Variants in CDH13 observed in about 807,000 individuals in gnomAD.
CDH13 encodes the protein cadherin-13.
CDH13 carries 24 observed loss-of-function variants against 63.8 expected under a neutral mutation model. That is an observed-to-expected ratio of 0.38 (90% CI 0.27 to 0.53). The LOEUF is 0.53. Among genes scored for constraint, CDH13 ranks in the 20% least tolerant of loss-of-function variants. The pLI is 0.85. For missense variants in CDH13, 1,049 were observed against 903.1 expected (o/e 1.16, Z -2.07); for synonymous variants, 503 against 355.3 (o/e 1.42, Z -4.67).
intron 2 of CDH13, among the ~76,000 whole-genome samples, chr16:82,868,374 T>C (rs2040225455): frequency 6.6e-6 from 1 of 152,210 alleles, no homozygotes; most frequent in African/African-American, 2.4e-5. Context: ...AGTAAGTCAA[T>C]TAATAATGAT....
At chr16:83,427,252 T>C (rs2071939128) in intron 6 of CDH13, among the ~76,000 whole-genome samples, 2 of 152,080 alleles carry the variant, frequency 1.3e-5, no homozygotes, top group Middle Eastern at 3.4e-3. Context: ...ACCTTCTAGA[T>C]GTGATTAAGT....
intron 2 of CDH13, among the ~76,000 whole-genome samples, chr16:83,019,836 T>TAAAAA (rs562381483): frequency 1.9e-4 from 19 of 100,804 alleles, no homozygotes; most frequent in South Asian, 6.5e-4. Context: ...GAGTACACTC[T>TAAAAA]AAAAAAAAAA....
chr16:83,082,065 G>T (rs2033291774), intron 3 of CDH13, among the ~76,000 whole-genome samples: 1 of 152,172 alleles, frequency 6.6e-6, no homozygotes, highest in Non-Finnish European at 1.5e-5. Context: ...CTCCCAAAGT[G>T]CTGGGATTAC....
At chr16:82,809,442 A>C (rs1477086550) in intron 1 of CDH13, among the ~76,000 whole-genome samples, 1 of 152,124 alleles carries the variant, frequency 6.6e-6, no homozygotes, top group South Asian at 2.1e-4. Context: ...AGGGAGTGGT[A>C]AGATCACATT....
intron 1 of CDH13, among the ~76,000 whole-genome samples, chr16:82,829,905 G>A (rs984290901): frequency 3.9e-5 from 6 of 152,114 alleles, no homozygotes. Flanking sequence ...TCTCCTTTGA[G>A]GACCATATCA....
chr16:83,687,674 A>G lies in CDH13; in HGVS notation c.1538+9213A>G, dbSNP rs1412334953. Among the ~76,000 whole-genome samples the G allele has an allele frequency of 2.6e-5, 4 of 152,210 alleles. No individual in the cohort carries two copies. In the East Asian group the frequency reaches 7.7e-4, roughly 29 times the overall value. On this transcript the variant is annotated intron_variant, in intron 10 of 13. Coordinates refer to ENST00000567109, the MANE Select transcript of CDH13 (RefSeq NM_001257.5). ...ATTGACTAATGTCTACCAACCATGA[A>G]AACATTTACATTTGGCCTTGTTTTA...
intron 6 of CDH13, chr16:83,383,144 T>A (rs1359861639): frequency 1.3e-5 from 2 of 152,192 alleles, no homozygotes; most frequent in Non-Finnish European, 2.9e-5. Flanking sequence ...TTCTGCAGTG[T>A]GATGCTCAAC....
chr16:82,637,509 C>A (rs1352508635), intron 1 of CDH13: 2 of 145,296 alleles, frequency 1.4e-5, no homozygotes, highest in Non-Finnish European at 3.0e-5. Flanking sequence ...CGGCTCACTG[C>A]AAGCTCCGCC....
chr16:83,451,379 G>A (rs891192622), intron 6 of CDH13, among the ~76,000 whole-genome samples: 1 of 152,118 alleles, frequency 6.6e-6, no homozygotes, highest in Non-Finnish European at 1.5e-5. Flanking sequence ...CCTATCATGA[G>A]AACAGCATGG....
intron 1 of CDH13, among the ~76,000 whole-genome samples, chr16:82,848,582 TG>T (rs35909991): frequency 0.39 from 57,398 of 148,752 alleles, 11,809 homozygotes; most frequent in East Asian, 0.82. Flanking sequence ...TTTTTTTTTT[TG>T]GGTGGGGGGA....
intron 5 of CDH13, among the ~76,000 whole-genome samples, chr16:83,312,989 A>G (rs2151887296): frequency 6.6e-6 from 1 of 152,300 alleles, no homozygotes; most frequent in African/African-American, 2.4e-5. Flanking sequence ...GGGAGTCACT[A>G]GAAGGATCAC....
At chr16:82,854,289 T>A (rs1283270229) in intron 1 of CDH13, among the ~76,000 whole-genome samples, 2 of 151,390 alleles carry the variant, frequency 1.3e-5, no homozygotes, top group Admixed American at 6.6e-5. Flanking sequence ...CAGTCACAGC[T>A]ACTTGGGAGG....
At chr16:82,851,396 C>G (rs926457522) in intron 1 of CDH13, among the ~76,000 whole-genome samples, 9 of 148,322 alleles carry the variant, frequency 6.1e-5, no homozygotes, top group African/African-American at 2.2e-4. Flanking sequence ...GATTGCACCT[C>G]TGCACTCCAG....
intron 5 of CDH13, among the ~76,000 whole-genome samples, chr16:83,333,681 G>T (rs1044806885): frequency 6.6e-6 from 1 of 152,098 alleles, no homozygotes; most frequent in Admixed American, 6.5e-5. Flanking sequence ...ACCGAGAGTG[G>T]TATTCTAAAC....
At chr16:82,724,269 T>C (rs2032957977) in intron 1 of CDH13, among the ~76,000 whole-genome samples, 1 of 151,876 alleles carries the variant, frequency 6.6e-6, no homozygotes, top group Non-Finnish European at 1.5e-5. Context: ...CTATGCATCC[T>C]TCCGTCCATC....
At chr16:83,779,411 A>AAAAAAC (rs1915358151) in intron 11 of CDH13, among the ~76,000 whole-genome samples, 1 of 139,654 alleles carries the variant, frequency 7.2e-6, no homozygotes, top group Non-Finnish European at 1.5e-5. Context: ...CATCTCAAAA[A>AAAAAAC]AAAAAAAAAA....
At chr16:82,816,841 A>C (rs1186090035) in intron 1 of CDH13, among the ~76,000 whole-genome samples, 2 of 151,576 alleles carry the variant, frequency 1.3e-5, no homozygotes, top group Non-Finnish European at 2.9e-5. Context: ...TCATCATCTC[A>C]TCTCTGCACT....
At chr16:82,851,547 GTGTC>G (rs2039487121) in intron 1 of CDH13, among the ~76,000 whole-genome samples, 2 of 152,062 alleles carry the variant, frequency 1.3e-5, no homozygotes, top group African/African-American at 4.8e-5. Context: ...CCATTTGTAA[GTGTC>G]TGTGACCTTA....
At chr16:82,894,204 C>G (rs1442083744) in intron 2 of CDH13, among the ~76,000 whole-genome samples, 1 of 152,150 alleles carries the variant, frequency 6.6e-6, no homozygotes, top group African/African-American at 2.4e-5. Context: ...ATCCACCTGT[C>G]TTGGCCTTCC....
Sources: allele counts gnomAD v4.1 joint callset (sites outside exome capture counted in the v4.1 genomes callset), GRCh38; gene constraint gnomAD v4.1.1; transcripts MANE v1.5; gene names NCBI Gene and HGNC (gene_info 2026-07-23, HGNC 2026-07-21).